Variants in ABCC6 observed in about 807,000 individuals in gnomAD.
ABCC6 encodes ATP binding cassette subfamily C member 6, also known as ATP-binding cassette sub-family C member 6.
In ABCC6, 126 loss-of-function variants were observed where a neutral mutation model predicts 169.5. The ratio of observed to expected loss-of-function variants is 0.74; its 90% confidence interval spans 0.64 to 0.86. ABCC6 has a LOEUF of 0.86. ABCC6 is among the 40% of genes least tolerant of loss of function. The pLI is 0.00. For missense variants in ABCC6, 1,733 were observed against 1,927.2 expected, an observed-to-expected ratio of 0.90 and a Z score of 1.89; for synonymous variants, 752 against 814.7, an observed-to-expected ratio of 0.92 and a Z score of 1.31.
At chr16:16,202,943 C>G (rs1392146350) in intron 8 of ABCC6, among the ~76,000 whole-genome samples, 2 of 152,078 alleles carry the variant, frequency 1.3e-5, no homozygotes, top group Non-Finnish European at 2.9e-5. Context: ...TTTCTTAGAA[C>G]CCTCCCAAGC....
At chr16:16,203,018 C>T (rs1236310057) in intron 8 of ABCC6, among the ~76,000 whole-genome samples, 18 of 152,198 alleles carry the variant, frequency 1.2e-4, no homozygotes, top group Non-Finnish European at 2.5e-4. Flanking sequence ...CAGAGACAGC[C>T]ATCCCAGTCT....
At chr16:16,169,924 G>A in intron 21 of ABCC6, 71 bp from the exon 22 acceptor site, 1 of 1,479,694 alleles carries the variant, frequency 6.8e-7, no homozygotes, top group Non-Finnish European at 9.2e-7. Flanking sequence ...GGCAAGGCCA[G>A]GCGAGGCTCC....
In ABCC6 at chr16:16,204,703, G is replaced by A. The variant is rs563202674; in HGVS notation, c.795-1090C>T. 2.4e-3 allele frequency among the ~76,000 whole-genome samples: 373 copies of A among 152,296 alleles called. 1 individual carries two copies. The highest frequency in any genetic ancestry group is 8.2e-3 in the Admixed American group (126 of 15,288). On this transcript the variant is annotated intron_variant, in intron 7 of 30. Transcript: ENST00000205557. ...GGGGCGATGCAGCTGCTGACAGTCC[G>A]GTTGCTGTGTGGTCCTGGGCGGGGA...
At chr16:16,155,926 T>C (rs1334242884) in intron 27 of ABCC6, 1 of 152,166 alleles carries the variant, frequency 6.6e-6, no homozygotes, top group Non-Finnish European at 1.5e-5. Context: ...ATTTATTTAT[T>C]TATTTTTGAG....
chr16:16,204,912 C>T (rs1211348898), intron 7 of ABCC6, among the ~76,000 whole-genome samples: 2 of 151,480 alleles, frequency 1.3e-5, no homozygotes, highest in South Asian at 2.1e-4. Context: ...CTCGGCTCAC[C>T]GCAACCTCTG....
intron 27 of ABCC6, among the ~76,000 whole-genome samples, chr16:16,157,035 G>A (rs2046573957): frequency 6.6e-6 from 1 of 151,880 alleles, no homozygotes; most frequent in Admixed American, 6.6e-5. Flanking sequence ...AGGACAGGGA[G>A]GAAGCCTCTG....
At chr16:16,190,875 G>A (rs1244326370) in intron 11 of ABCC6, among the ~76,000 whole-genome samples, 1 of 131,416 alleles carries the variant, frequency 7.6e-6, no homozygotes, top group Non-Finnish European at 1.6e-5. Flanking sequence ...GGGGGATGGA[G>A]CTGGAGAAGA....
At position 16,176,003 on chromosome 16, in the gene ABCC6, G is replaced by C; in HGVS notation, c.2591-17C>G. 6.2e-7 allele frequency: 1 copy of C among 1,613,150 alleles called. No individual in the cohort carries two copies. Among genetic ancestry groups the C allele is most frequent in the Non-Finnish European group, 8.5e-7 (1 of 1,179,222 alleles). On this transcript the variant is annotated splice_polypyrimidine_tract_variant and intron_variant, in intron 19 of 30. Coordinates refer to ENST00000205557, the MANE Select transcript of ABCC6 (RefSeq NM_001171.6). ...GTTCTGTTTCTGCAAGGTCAAGAGA[G>C]TCCTGTCACGCAACACGGCCCAGAT...
At chr16:16,184,486 C>G (rs1181018932) in intron 15 of ABCC6, among the ~76,000 whole-genome samples, 1 of 152,170 alleles carries the variant, frequency 6.6e-6, no homozygotes, top group South Asian at 2.1e-4. Context: ...CAAATACTAC[C>G]TGGGGCATAT....
At chr16:16,182,668 G>C in intron 16 of ABCC6, 80 bp from the exon 17 acceptor site, 1 of 1,589,368 alleles carries the variant, frequency 6.3e-7, no homozygotes, top group Admixed American at 1.7e-5. Context: ...TGGGAGCTGG[G>C]CTCTCAGTGG....
chr16:16,175,810 G>C, intron 20 of ABCC6, 101 bp downstream of exon 20: 1 of 1,318,566 alleles, frequency 7.6e-7, no homozygotes, highest in East Asian at 2.4e-5. Context: ...TATCCATAAT[G>C]GTTTTGGTTG....
intron 17 of ABCC6, among the ~76,000 whole-genome samples, chr16:16,181,302 C>T (rs1202097676): frequency 6.7e-6 from 1 of 148,982 alleles, no homozygotes; most frequent in African/African-American, 2.5e-5. Context: ...AAGATTGTGC[C>T]ACTGCACTCC....
intron 12 of ABCC6, among the ~76,000 whole-genome samples, chr16:16,189,282 CAG>C (rs2047760547): frequency 6.6e-6 from 1 of 152,178 alleles, no homozygotes; most frequent in South Asian, 2.1e-4. Flanking sequence ...CGGGGGACAG[CAG>C]AGTTTTTGAT....
chr16:16,198,750 T>C (rs1199264596), intron 9 of ABCC6, among the ~76,000 whole-genome samples: 3 of 150,480 alleles, frequency 2.0e-5, no homozygotes, highest in Non-Finnish European at 4.4e-5. Flanking sequence ...TCCCAGCACT[T>C]TGGGAGGCCG....
chr16:16,186,988 C>T lies in ABCC6; in HGVS notation c.1867+136G>A, dbSNP rs995631654. The T allele has an allele frequency of 6.3e-5, 47 of 749,702 alleles. 1 individual carries two copies. Among genetic ancestry groups the T allele is most frequent in the Admixed American group, 4.6e-4 (22 of 48,080 alleles). The allele number at this position is 749,702 out of a possible 1,614,324, so 46.4% of individuals were successfully genotyped here. On this transcript the variant is annotated intron_variant, in intron 14 of 30. Transcript: ENST00000205557. ...CAGTTTCCAAGTGACACGCAGATGG[C>T]GTGATCTGCACGTGTCATCCATTGC...
intron 10 of ABCC6, 132 bp from the exon 11 acceptor site, chr16:16,193,054 A>C (rs1424594821): frequency 4.1e-6 from 3 of 734,154 alleles, no homozygotes; most frequent in Admixed American, 2.3e-5. Context: ...CTGCATTCCC[A>C]GACGGTTAGG....
intron 7 of ABCC6, 102 bp downstream of exon 7, chr16:16,208,626 C>T (rs1230565948): frequency 6.9e-6 from 11 of 1,590,930 alleles, no homozygotes; most frequent in Non-Finnish European, 8.6e-6. Context: ...CCTGCCTCGG[C>T]CTCCCAAAAT....
At chr16:16,162,151 ACCTTC>A (rs1362234793) in intron 24 of ABCC6, among the ~76,000 whole-genome samples, 1 of 152,156 alleles carries the variant, frequency 6.6e-6, no homozygotes, top group Admixed American at 6.5e-5. Flanking sequence ...AGTCAATTAA[ACCTTC>A]CTTTCTTTAT....
chr16:16,160,752 C>G (rs777312998), intron 25 of ABCC6, among the ~76,000 whole-genome samples: 1 of 151,238 alleles, frequency 6.6e-6, no homozygotes, highest in African/African-American at 2.4e-5. Flanking sequence ...CTGAAGTGAG[C>G]CAAGATCATG....
Sources: allele counts gnomAD v4.1 joint callset (sites outside exome capture counted in the v4.1 genomes callset), GRCh38; gene constraint gnomAD v4.1.1; transcripts MANE v1.5; gene names NCBI Gene and HGNC (gene_info 2026-07-23, HGNC 2026-07-21).